Variants in FBXO25 observed in about 807,000 individuals in gnomAD.
The protein encoded by FBXO25 is F-box protein 25.
In FBXO25, 45 loss-of-function variants were observed where a neutral mutation model predicts 51.9. That is an observed-to-expected ratio of 0.87 (90% CI 0.68 to 1.11). The LOEUF (loss-of-function observed/expected upper bound fraction) is 1.11, where lower values mean the gene tolerates loss of function less well. Ranked by LOEUF, FBXO25 falls within the 50% of genes most tolerant of loss-of-function variation. The pLI is 0.00. For missense variants in FBXO25, 507 were observed against 428.5 expected, an observed-to-expected ratio of 1.18 and a Z score of -1.62; for synonymous variants, 199 against 151.0, an observed-to-expected ratio of 1.32 and a Z score of -2.33.
chr8:453,890 A>G (rs2335516), intron 7 of FBXO25, among the ~76,000 whole-genome samples: 83,877 of 151,944 alleles, frequency 0.55, 25,013 homozygotes, highest in African/African-American at 0.8. Context: ...TTGGGAGGCC[A>G]AGTCAGGTGG....
At chr8:455,932 A>T (rs767317685) in intron 7 of FBXO25, among the ~76,000 whole-genome samples, 1 of 152,236 alleles carries the variant, frequency 6.6e-6, no homozygotes, top group African/African-American at 2.4e-5. Flanking sequence ...CAGGGATGTA[A>T]AACTGGACTC....
chr8:424,629 C>CAA (rs1797359624), intron 2 of FBXO25, among the ~76,000 whole-genome samples: 1 of 152,186 alleles, frequency 6.6e-6, no homozygotes, highest in Non-Finnish European at 1.5e-5. Context: ...TGGTCTTTTT[C>CAA]CACTGCTGTT....
intron 9 of FBXO25, among the ~76,000 whole-genome samples, chr8:466,159 AAG>A (rs1800147362): frequency 6.6e-6 from 1 of 152,218 alleles, no homozygotes; most frequent in Non-Finnish European, 1.5e-5. Flanking sequence ...AGTATTCAAA[AAG>A]AGCCATCTCT....
intron 7 of FBXO25, among the ~76,000 whole-genome samples, chr8:454,520 G>T (rs1374357347): frequency 6.6e-6 from 1 of 152,236 alleles, no homozygotes; most frequent in East Asian, 1.9e-4. Context: ...ACAGAACTCA[G>T]TGGGGTGTTA....
intron 2 of FBXO25, among the ~76,000 whole-genome samples, chr8:418,224 C>G (rs889921770): frequency 2.0e-5 from 3 of 152,054 alleles, no homozygotes; most frequent in Non-Finnish European, 4.4e-5. Context: ...GTGTTTACAG[C>G]AGCCTTGTCT....
intron 2 of FBXO25, among the ~76,000 whole-genome samples, chr8:415,062 C>T (rs182550389): frequency 6.6e-6 from 1 of 152,236 alleles, no homozygotes. Context: ...AAGATAAGAC[C>T]ATATGTAATC....
Position 471,605 on chromosome 8 carries a change from C to T in FBXO25, c.*2801C>T, listed in dbSNP as rs2116883745. On this transcript the variant is annotated 3_prime_UTR_variant, in exon 10 of 10. Transcript: ENST00000350302. The stretch of plus-strand genomic sequence containing the variant: ...GCCAGACACTCTCAAGATAGAATCT[C>T]CAGTCATTCTCGGACCTGTTCTCAG... 6.6e-6 allele frequency: 1 copy of T among 152,340 alleles called. No homozygotes were observed. Among genetic ancestry groups the T allele is most frequent in the Non-Finnish European group, 1.5e-5 (1 of 68,038 alleles). The allele number at this position is 152,340 out of a possible 1,614,324, so 9.4% of individuals were successfully genotyped here.
At chr8:447,169 C>G (rs543342814) in intron 5 of FBXO25, among the ~76,000 whole-genome samples, 1 of 152,254 alleles carries the variant, frequency 6.6e-6, no homozygotes, top group African/African-American at 2.4e-5. Flanking sequence ...TGCAGAAGTT[C>G]CAGGGAGGAC....
intron 5 of FBXO25, among the ~76,000 whole-genome samples, chr8:444,825 A>C (rs1041159165): frequency 5.9e-5 from 9 of 152,170 alleles, no homozygotes; most frequent in Non-Finnish European, 1.2e-4. Flanking sequence ...CAGTGCATTA[A>C]TATGTTGTAT....
intron 1 of FBXO25, among the ~76,000 whole-genome samples, chr8:407,845 C>T (rs909700509): frequency 6.6e-6 from 1 of 152,148 alleles, no homozygotes; most frequent in African/African-American, 2.4e-5. Context: ...TTGCATCCTT[C>T]CCCTCACAGT....
At chr8:437,945 A>C (rs943656016) in intron 5 of FBXO25, among the ~76,000 whole-genome samples, 1 of 152,144 alleles carries the variant, frequency 6.6e-6, no homozygotes, top group African/African-American at 2.4e-5. Flanking sequence ...AATACCTATA[A>C]ATAAGAAATG....
chr8:422,800 C>A (rs1438276780), intron 2 of FBXO25, among the ~76,000 whole-genome samples: 2 of 152,126 alleles, frequency 1.3e-5, no homozygotes, highest in Non-Finnish European at 2.9e-5. Flanking sequence ...TCTTAGTTCC[C>A]AAGGAGAGGC....
chr8:429,864 G>A (rs984863882), intron 2 of FBXO25, among the ~76,000 whole-genome samples: 2 of 152,228 alleles, frequency 1.3e-5, no homozygotes, highest in Non-Finnish European at 2.9e-5. Context: ...AATCCACAGT[G>A]TGGGTAGCCC....
At chr8:416,232 G>A (rs1328712929) in intron 2 of FBXO25, among the ~76,000 whole-genome samples, 1 of 152,158 alleles carries the variant, frequency 6.6e-6, no homozygotes, top group Non-Finnish European at 1.5e-5. Context: ...TCCTCTTTGT[G>A]TTATCAATAT....
At chr8:415,122 T>C (rs191293448) in intron 2 of FBXO25, among the ~76,000 whole-genome samples, 1 of 152,350 alleles carries the variant, frequency 6.6e-6, no homozygotes, top group African/African-American at 2.4e-5. Context: ...CCACATGTCT[T>C]TGAGAAACAT....
chr8:476,528 T>C lies in FBXO25; in HGVS notation c.*7724T>C, dbSNP rs955193233. 1.3e-5 allele frequency: 2 copies of C among 152,224 alleles called. No homozygotes were observed. Among genetic ancestry groups the C allele is most frequent in the African/African-American group, 4.8e-5 (2 of 41,456 alleles). 9.4% of individuals were successfully genotyped at this position (152,224 alleles called of 1,614,324 possible). A position where few individuals can be genotyped will look rare whatever the true frequency, so the allele number is the denominator to read the frequency against. On this transcript the variant is annotated 3_prime_UTR_variant, in exon 10 of 10. Coordinates refer to ENST00000350302, the MANE Select transcript of FBXO25 (RefSeq NM_183420.2). ...GGCTTTTCTTTACTACTTCATGCTCTTGACTAGCATAGGTCTGTTCAGATT... is the reference window on the plus strand; with the variant it reads ...GGCTTTTCTTTACTACTTCATGCTCCTGACTAGCATAGGTCTGTTCAGATT...
intron 2 of FBXO25, among the ~76,000 whole-genome samples, chr8:420,020 A>T (rs1275389246): frequency 1.3e-5 from 2 of 152,178 alleles, no homozygotes; most frequent in Non-Finnish European, 2.9e-5. Flanking sequence ...AAATAAGCAG[A>T]GAAAAATAAG....
At chr8:446,382 C>A (rs1798739648) in intron 5 of FBXO25, among the ~76,000 whole-genome samples, 1 of 152,162 alleles carries the variant, frequency 6.6e-6, no homozygotes, top group Non-Finnish European at 1.5e-5. Context: ...TGTCTTAGTG[C>A]TGTAGGGCAA....
chr8:408,799 TTAAA>T (rs1318909956), intron 1 of FBXO25, among the ~76,000 whole-genome samples: 14 of 152,196 alleles, frequency 9.2e-5, no homozygotes, highest in Non-Finnish European at 2.9e-5. Context: ...AGGGAAGATT[TTAAA>T]TAGTTAATCA....
Sources: gnomAD v4.1 joint callset for allele counts (sites outside exome capture counted in the v4.1 genomes callset) on GRCh38, gnomAD v4.1.1 for gene constraint, MANE v1.5 for transcripts, NCBI Gene and HGNC (gene_info 2026-07-23, HGNC 2026-07-21) for gene names.